Variants in MALRD1 observed in about 807,000 individuals in gnomAD.
MALRD1 encodes MAM and LDL receptor class A domain containing 1.
Under a neutral mutation model 242.1 loss-of-function variants are expected in MALRD1, and 247 were observed. That is an observed-to-expected ratio of 1.02 (90% CI 0.92 to 1.13). The LOEUF (loss-of-function observed/expected upper bound fraction) is 1.13. MALRD1 is among the 50% of genes most tolerant of loss of function. MALRD1 has a pLI of 0.00. For missense variants in MALRD1, 2,989 were observed against 2,533.1 expected (o/e 1.18, Z -3.86); for synonymous variants, 995 against 866.6 (o/e 1.15, Z -2.60).
chr10:19,468,908 T>C (rs1836358206), intron 29 of MALRD1, among the ~76,000 whole-genome samples: 1 of 152,094 alleles, frequency 6.6e-6, no homozygotes, highest in Non-Finnish European at 1.5e-5. Context: ...TCAGTTTTCT[T>C]TATGTCTCTC....
intron 29 of MALRD1, among the ~76,000 whole-genome samples, chr10:19,463,196 G>A (rs1301659115): frequency 1.3e-5 from 2 of 150,924 alleles, no homozygotes; most frequent in East Asian, 3.9e-4. Context: ...ATAGGTTTTC[G>A]GGGAATAGGT....
chr10:19,170,018 G>A (rs1834855223), intron 13 of MALRD1, among the ~76,000 whole-genome samples: 1 of 152,106 alleles, frequency 6.6e-6, no homozygotes, highest in South Asian at 2.1e-4. Flanking sequence ...GTCAATTGTA[G>A]ACAATATAAC....
intron 14 of MALRD1, among the ~76,000 whole-genome samples, chr10:19,188,672 A>T (rs765441657): frequency 1.3e-5 from 2 of 152,218 alleles, no homozygotes; most frequent in African/African-American, 4.8e-5. Flanking sequence ...GTTCAACGGA[A>T]GATCACTACA....
intron 36 of MALRD1, among the ~76,000 whole-genome samples, chr10:19,632,032 T>A (rs1839923954): frequency 6.6e-6 from 1 of 152,150 alleles, no homozygotes; most frequent in Non-Finnish European, 1.5e-5. Context: ...TCAAGCCAGA[T>A]GGCCCAAATA....
intron 14 of MALRD1, among the ~76,000 whole-genome samples, chr10:19,182,210 A>C (rs1835537894): frequency 6.6e-6 from 1 of 152,044 alleles, no homozygotes. Context: ...TAGTCTTTTA[A>C]TCAGCAAAAC....
intron 31 of MALRD1, among the ~76,000 whole-genome samples, chr10:19,516,668 TTCC>T (rs1274495320): frequency 1.3e-4 from 19 of 151,522 alleles, no homozygotes; most frequent in Non-Finnish European, 1.8e-4. Flanking sequence ...CCTACTCTTC[TTCC>T]TCCTCCTCAT....
At chr10:19,528,752 T>C (rs2131339141) in intron 31 of MALRD1, among the ~76,000 whole-genome samples, 1 of 152,260 alleles carries the variant, frequency 6.6e-6, no homozygotes, top group South Asian at 2.1e-4. Flanking sequence ...GTAAGGAGCT[T>C]GGAAGGCATC....
chr10:19,406,428 A>G (rs541103121), intron 28 of MALRD1, among the ~76,000 whole-genome samples: 3 of 152,126 alleles, frequency 2.0e-5, no homozygotes, highest in Admixed American at 2.0e-4. Flanking sequence ...ATTCTCACAC[A>G]TTGTCTGTTT....
intron 38 of MALRD1, 76 bp downstream of exon 38, chr10:19,692,630 T>C: frequency 1.7e-6 from 2 of 1,197,694 alleles, no homozygotes; most frequent in Non-Finnish European, 1.2e-6. Context: ...TTTGCTATTT[T>C]TTTCTTTCAC....
At chr10:19,688,608 G>A (rs1473126837) in intron 36 of MALRD1, among the ~76,000 whole-genome samples, 1 of 152,158 alleles carries the variant, frequency 6.6e-6, no homozygotes, top group Non-Finnish European at 1.5e-5. Context: ...AGATAAGGGA[G>A]TCCACCAAGC....
At chr10:19,380,174 C>T (rs1588991396) in intron 26 of MALRD1, among the ~76,000 whole-genome samples, 5 of 151,354 alleles carry the variant, frequency 3.3e-5, no homozygotes, top group Admixed American at 3.3e-4. Context: ...GGGGTTTCAC[C>T]ATGTTGGCCA....
chr10:19,104,902 A>G (rs1836410065), intron 5 of MALRD1, among the ~76,000 whole-genome samples: 1 of 152,054 alleles, frequency 6.6e-6, no homozygotes, highest in South Asian at 2.1e-4. Flanking sequence ...TTTTTAATTG[A>G]CACATAATTG....
chr10:19,059,673 T>C (rs1441001131), intron 1 of MALRD1, among the ~76,000 whole-genome samples: 3 of 152,108 alleles, frequency 2.0e-5, no homozygotes, highest in Non-Finnish European at 4.4e-5. Context: ...GTTATAGGCA[T>C]GAGCCACTGC....
chr10:19,085,209 G>A lies in MALRD1; in HGVS notation c.341-2631G>A, dbSNP rs1414478315. Among the ~76,000 whole-genome samples, 5 of 151,962 alleles carry A rather than the reference G, an allele frequency of 3.3e-5. No homozygotes were observed. The East Asian group carries it at 9.7e-4, about 30-fold the overall frequency. The stretch of plus-strand genomic sequence containing the variant: ...GTGTTAAATGAGGGAATGGTCATGT[G>A]GAGAAAAGTTATGCTGTCAAAGATT... On this transcript the variant is annotated intron_variant, in intron 2 of 39. Transcript: ENST00000454679.
chr10:19,389,339 T>C (rs1275901108), intron 27 of MALRD1, 113 bp from the exon 28 acceptor site: 16 of 1,141,966 alleles, frequency 1.4e-5, no homozygotes, highest in East Asian at 2.6e-5. Flanking sequence ...GAAAATACTT[T>C]TGGCAGCTCA....
intron 24 of MALRD1, among the ~76,000 whole-genome samples, chr10:19,342,354 C>G (rs1843923278): frequency 6.6e-6 from 1 of 152,010 alleles, no homozygotes; most frequent in African/African-American, 2.4e-5. Context: ...TGACATATTA[C>G]TACCAGATTT....
intron 14 of MALRD1, among the ~76,000 whole-genome samples, chr10:19,195,461 T>C (rs1836194496): frequency 1.3e-5 from 2 of 152,136 alleles, no homozygotes; most frequent in South Asian, 4.1e-4. Flanking sequence ...GTCTCCCAAA[T>C]TTATATCTCT....
intron 28 of MALRD1, among the ~76,000 whole-genome samples, 159 bp downstream of exon 28, chr10:19,389,768 T>C (rs1488915542): frequency 1.3e-5 from 2 of 152,204 alleles, no homozygotes; most frequent in Non-Finnish European, 2.9e-5. Context: ...GCCTCCCGAA[T>C]AACTGGGACT....
At chr10:19,211,874 G>A (rs900534740) in intron 18 of MALRD1, among the ~76,000 whole-genome samples, 2 of 152,010 alleles carry the variant, frequency 1.3e-5, no homozygotes, top group Middle Eastern at 3.2e-3. Context: ...CCAGCAGATA[G>A]GAGGTACTCA....
Sources: allele counts gnomAD v4.1 joint callset (sites outside exome capture counted in the v4.1 genomes callset), GRCh38; gene constraint gnomAD v4.1.1; transcripts MANE v1.5; gene names NCBI Gene and HGNC (gene_info 2026-07-23, HGNC 2026-07-21).